The following PLGRKT variants were observed in gnomAD, a reference collection of about 807,000 sequenced individuals.
PLGRKT encodes plasminogen receptor (KT).
In PLGRKT, 22 loss-of-function variants were observed where a neutral mutation model predicts 18.5. The observed-to-expected ratio is 1.19, with a 90% CI of 0.85 to 1.70. PLGRKT has a LOEUF of 1.70. Among genes scored for constraint, PLGRKT ranks in the 40% most tolerant of loss-of-function variants. PLGRKT has a pLI of 0.00. For synonymous variants in PLGRKT, 72 were observed against 52.8 expected (o/e 1.36, Z -1.58); for missense variants, 235 against 174.4 (o/e 1.35, Z -1.96).
chr9:5,432,972 G>C (rs1002497452), intron 2 of PLGRKT, among the ~76,000 whole-genome samples: 1 of 151,658 alleles, frequency 6.6e-6, no homozygotes, highest in African/African-American at 2.4e-5. Flanking sequence ...GGGAGGTGAG[G>C]AGCATCTCTG....
chr9:5,419,382 A>G (rs560077065), intron 3 of PLGRKT, among the ~76,000 whole-genome samples: 5 of 152,348 alleles, frequency 3.3e-5, no homozygotes, highest in Admixed American at 6.5e-5. Context: ...AGGAAGCACA[A>G]TTGAGACTGA....
intron 3 of PLGRKT, among the ~76,000 whole-genome samples, chr9:5,387,405 C>T (rs1817864910): frequency 6.6e-6 from 1 of 151,768 alleles, no homozygotes; most frequent in Non-Finnish European, 1.5e-5. Flanking sequence ...TCCACATGAC[C>T]ATCAACAGCA....
At chr9:5,431,165 T>G (rs1360321908) in intron 3 of PLGRKT, among the ~76,000 whole-genome samples, 1 of 152,192 alleles carries the variant, frequency 6.6e-6, no homozygotes, top group Non-Finnish European at 1.5e-5. Context: ...CTCATGATCC[T>G]TAAACAATCT....
intron 3 of PLGRKT, among the ~76,000 whole-genome samples, chr9:5,390,451 C>A (rs1189893925): frequency 6.6e-6 from 1 of 151,832 alleles, no homozygotes; most frequent in African/African-American, 2.4e-5. Context: ...GCTGAGGGGG[C>A]TGAAGACCCT....
At chr9:5,429,177 T>G (rs1818765031) in intron 3 of PLGRKT, among the ~76,000 whole-genome samples, 1 of 152,258 alleles carries the variant, frequency 6.6e-6, no homozygotes, top group African/African-American at 2.4e-5. Context: ...GACATTGATG[T>G]ATTACATGCT....
intron 3 of PLGRKT, among the ~76,000 whole-genome samples, chr9:5,411,184 G>A (rs1480933278): frequency 6.6e-6 from 1 of 151,982 alleles, no homozygotes; most frequent in African/African-American, 2.4e-5. Flanking sequence ...GGGAGTTTGA[G>A]ATCAGCCTGG....
intron 3 of PLGRKT, among the ~76,000 whole-genome samples, chr9:5,426,305 T>C (rs1323561123): frequency 6.6e-6 from 1 of 152,156 alleles, no homozygotes; most frequent in African/African-American, 2.4e-5. Context: ...TTACATTTGA[T>C]ATAAATATAC....
At chr9:5,379,678 A>T (rs1817699617) in intron 3 of PLGRKT, among the ~76,000 whole-genome samples, 2 of 152,228 alleles carry the variant, frequency 1.3e-5, no homozygotes, top group Non-Finnish European at 2.9e-5. Flanking sequence ...ACATTATGAA[A>T]AATGTTGAAC....
intron 3 of PLGRKT, among the ~76,000 whole-genome samples, chr9:5,373,929 C>T (rs1265174875): frequency 6.6e-6 from 1 of 152,202 alleles, no homozygotes; most frequent in Admixed American, 6.5e-5. Flanking sequence ...AACAGCCAGG[C>T]ATTGGAGCCT....
At chr9:5,411,690 TAAGA>T (rs956292920) in intron 3 of PLGRKT, among the ~76,000 whole-genome samples, 4 of 152,226 alleles carry the variant, frequency 2.6e-5, no homozygotes, top group African/African-American at 4.8e-5. Context: ...GCTGGCTAGG[TAAGA>T]AATCCAACTA....
intron 2 of PLGRKT, among the ~76,000 whole-genome samples, chr9:5,432,540 G>C (rs997261664): frequency 6.7e-6 from 1 of 149,380 alleles, no homozygotes. Context: ...CTCTCTTGCG[G>C]AGCCTGGACT....
In PLGRKT at chr9:5,387,965, G is replaced by T. The variant is rs560495785; in HGVS notation, c.82-26077C>A. Among the ~76,000 whole-genome samples, 56 of 151,942 alleles carry T rather than the reference G, an allele frequency of 3.7e-4. 1 individual carries two copies. The highest frequency in any genetic ancestry group is 1.3e-3 in the African/African-American group (54 of 41,268). On this transcript the variant is annotated intron_variant, in intron 3 of 5. Transcript: ENST00000223864. The stretch of plus-strand genomic sequence containing the variant: ...TATATTTGGAATTGGGAGCTGAAAT[G>T]ATTTTCTGATGGACTGGATATAGGT...
chr9:5,403,207 C>A (rs1430656138), intron 3 of PLGRKT, among the ~76,000 whole-genome samples: 1 of 149,768 alleles, frequency 6.7e-6, no homozygotes, highest in African/African-American at 2.5e-5. Flanking sequence ...GTTGAGGTTG[C>A]TAAATGATTC....
intron 3 of PLGRKT, among the ~76,000 whole-genome samples, chr9:5,428,931 G>T (rs575522285): frequency 7.9e-5 from 12 of 152,170 alleles, no homozygotes; most frequent in African/African-American, 2.6e-4. Context: ...TGAATTCTTG[G>T]GCTCAAGCAA....
At chr9:5,412,111 C>G (rs1193015955) in intron 3 of PLGRKT, among the ~76,000 whole-genome samples, 3 of 152,138 alleles carry the variant, frequency 2.0e-5, no homozygotes, top group African/African-American at 4.8e-5. Flanking sequence ...ACTAGACAAA[C>G]TGACCAGTGA....
rs7022509 is a variant in PLGRKT, at chr9:5,383,849, G to A, written c.82-21961C>T. On this transcript the variant is annotated intron_variant, in intron 3 of 5. Transcript: ENST00000223864. ...ATGGGCCAATGACCAGTACCAGTCCGTGGCCCAGGGGTTGGGGATCCTAGA... is the reference window on the plus strand; with the variant it reads ...ATGGGCCAATGACCAGTACCAGTCCATGGCCCAGGGGTTGGGGATCCTAGA... 4.6e-3 allele frequency among the ~76,000 whole-genome samples: 705 copies of A among 152,314 alleles called. 9 individuals carry two copies. The highest frequency in any genetic ancestry group is 0.015 in the African/African-American group (641 of 41,562).
chr9:5,411,237 A>G (rs575937185), intron 3 of PLGRKT, among the ~76,000 whole-genome samples: 1 of 151,906 alleles, frequency 6.6e-6, no homozygotes, highest in African/African-American at 2.4e-5. Flanking sequence ...TACAAAAATT[A>G]GCCGGGCCAC....
intron 3 of PLGRKT, among the ~76,000 whole-genome samples, chr9:5,403,885 G>A (rs1029893393): frequency 2.0e-5 from 3 of 152,116 alleles, no homozygotes; most frequent in African/African-American, 7.2e-5. Context: ...TATCCTACAA[G>A]ACTAATAAAG....
At chr9:5,410,865 C>G (rs1489634498) in intron 3 of PLGRKT, among the ~76,000 whole-genome samples, 1 of 152,006 alleles carries the variant, frequency 6.6e-6, no homozygotes, top group Non-Finnish European at 1.5e-5. Flanking sequence ...TAAAGCACAG[C>G]CTTTTACCTT....
Sources: gnomAD v4.1 joint callset for allele counts (sites outside exome capture counted in the v4.1 genomes callset) on GRCh38, gnomAD v4.1.1 for gene constraint, MANE v1.5 for transcripts, NCBI Gene and HGNC (gene_info 2026-07-23, HGNC 2026-07-21) for gene names.